The following SLC61A1 variants were observed in gnomAD, a reference collection of about 807,000 sequenced individuals.
The protein encoded by SLC61A1 is major facilitator superfamily domain containing 5.
the SLC61A1 span, chr12:53,251,635 G>T: frequency 7.9e-7 from 1 of 1,271,610 alleles, no homozygotes; most frequent in Non-Finnish European, 1.1e-6. Flanking sequence ...GTAAGTGACA[G>T]GGGCAGGACT....
chr12:53,252,739 C>T, the SLC61A1 span: 3 of 1,481,980 alleles, frequency 2.0e-6, no homozygotes, highest in Non-Finnish European at 2.7e-6. Flanking sequence ...TTGGGTGGAG[C>T]TGCCATCTGC....
the SLC61A1 span, chr12:53,252,566 C>G: frequency 3.6e-5 from 49 of 1,365,428 alleles, no homozygotes; most frequent in Non-Finnish European, 4.4e-5. Flanking sequence ...GGGACTCCCT[C>G]TTCACAGGCA....
chr12:53,252,790 T>C, the SLC61A1 span: 3 of 1,606,114 alleles, frequency 1.9e-6, no homozygotes, highest in Non-Finnish European at 2.5e-6. Context: ...AGGATGGATA[T>C]GGCTCTGACT....
At chr12:53,252,466 C>G in the SLC61A1 span, 5 of 1,296,228 alleles carry the variant, frequency 3.9e-6, no homozygotes, top group Non-Finnish European at 4.9e-6. Flanking sequence ...AAAAGAGGCT[C>G]CGCAGCGAGG....
At chr12:53,252,972 A>G in the SLC61A1 span, 191 of 1,614,188 alleles carry the variant, frequency 1.2e-4, no homozygotes, top group African/African-American at 1.8e-3. Context: ...CTGGACTTCT[A>G]TCAGGTCTAC....
chr12:53,252,299 G>T, the SLC61A1 span: 11 of 1,390,014 alleles, frequency 7.9e-6, no homozygotes, highest in South Asian at 1.3e-4. Context: ...GGTGCAAGTG[G>T]ATGTGGCAGG....
the SLC61A1 span, chr12:53,253,280 G>A: frequency 6.2e-6 from 10 of 1,614,238 alleles, no homozygotes; most frequent in African/African-American, 1.2e-4. Flanking sequence ...CTCAGCCTTC[G>A]AGGCCTGGTA....
chr12:53,253,232 G>C, the SLC61A1 span: 1 of 1,614,240 alleles, frequency 6.2e-7, no homozygotes, highest in Non-Finnish European at 8.5e-7. Context: ...GCTGCTAGTG[G>C]GGCGAGCACT....
At chr12:53,252,133 C>A in the SLC61A1 span, 1 of 1,440,542 alleles carries the variant, frequency 6.9e-7, no homozygotes, top group South Asian at 1.5e-5. Context: ...AGAGGCCTGC[C>A]CGGCTCCCGG....
chr12:53,252,597 T>C, the SLC61A1 span: 1 of 1,264,136 alleles, frequency 7.9e-7, no homozygotes, highest in East Asian at 2.6e-5. Flanking sequence ...GAGTGCCCAG[T>C]CCTCTCCCCT....
the SLC61A1 span, chr12:53,254,340 G>T: frequency 1.1e-6 from 1 of 935,448 alleles, no homozygotes. Context: ...TGATGGACTG[G>T]AAAGAAGGTG....
At chr12:53,251,820 C>A in the SLC61A1 span, 1 of 1,537,294 alleles carries the variant, frequency 6.5e-7, no homozygotes, top group Non-Finnish European at 8.7e-7. Flanking sequence ...AAGCTCCAAC[C>A]CTTGGCTCTA....
At chr12:53,253,602 A>G in the SLC61A1 span, 2 of 1,613,846 alleles carry the variant, frequency 1.2e-6, no homozygotes, top group Non-Finnish European at 1.7e-6. Context: ...GGCACCATAC[A>G]AGCTCTATTT....
the SLC61A1 span, chr12:53,254,262 G>A: frequency 6.6e-7 from 1 of 1,518,408 alleles, no homozygotes; most frequent in Non-Finnish European, 8.9e-7. Context: ...ATCTCTCTGT[G>A]ACTGACTTTG....
chr12:53,252,344 A>G, the SLC61A1 span: 3 of 1,345,570 alleles, frequency 2.2e-6, no homozygotes. Context: ...GTGGGGTGCC[A>G]GTGACCTGGA....
the SLC61A1 span, chr12:53,252,580 A>C: frequency 7.5e-7 from 1 of 1,332,896 alleles, no homozygotes; most frequent in Non-Finnish European, 9.9e-7. Flanking sequence ...ACAGGCAAGG[A>C]TGGGTTGAGT....
At chr12:53,254,043 C>T in the SLC61A1 span, 1 of 1,614,228 alleles carries the variant, frequency 6.2e-7, no homozygotes. Context: ...GATCGAAAAA[C>T]AGGCACTCGG....
At chr12:53,253,569 C>CTCA in the SLC61A1 span, 5 of 1,613,984 alleles carry the variant, frequency 3.1e-6, no homozygotes, top group Non-Finnish European at 4.2e-6. Context: ...TGCCTCCTGT[C>CTCA]GGACCGCCGC....
the SLC61A1 span, chr12:53,252,911 G>A: frequency 6.2e-7 from 1 of 1,614,182 alleles, no homozygotes; most frequent in Non-Finnish European, 8.5e-7. Flanking sequence ...AAGATGCCGG[G>A]CTAAACCCCC....
Sources: gnomAD v4.1 joint callset for allele counts on GRCh38, gnomAD v4.1.1 for gene constraint, MANE v1.5 for transcripts, NCBI Gene and HGNC (gene_info 2026-07-23, HGNC 2026-07-21) for gene names.